UNC13C: variants seen among roughly 807,000 people sequenced by gnomAD.
UNC13C encodes unc-13 homolog C, also known as protein unc-13 homolog C.
Under a neutral mutation model 245.4 loss-of-function variants are expected in UNC13C, and 174 were observed. The ratio of observed to expected loss-of-function variants is 0.71; its 90% confidence interval spans 0.63 to 0.80. UNC13C has a LOEUF of 0.80. Among genes scored for constraint, UNC13C ranks in the 30% least tolerant of loss-of-function variants. UNC13C has a pLI of 0.00. For synonymous variants in UNC13C, 992 were observed against 895.1 expected (o/e 1.11, Z -1.93); for missense variants, 2,829 against 2,602.9 (o/e 1.09, Z -1.89).
the UNC13C span, among the ~76,000 whole-genome samples, chr15:53,922,222 A>G: frequency 6.6e-6 from 1 of 152,348 alleles, no homozygotes; most frequent in Middle Eastern, 3.4e-3. Context: ...TGGAAAGTCA[A>G]ATAAATTCTC....
chr15:53,968,261 A>AC, the UNC13C span: 3 of 152,206 alleles, frequency 2.0e-5, no homozygotes, highest in Non-Finnish European at 4.4e-5. Flanking sequence ...TCCCTAGGCA[A>AC]CCCCCGTGGG....
chr15:54,217,584 T>C (rs757303807), intron 4 of UNC13C, among the ~76,000 whole-genome samples: 2 of 151,898 alleles, frequency 1.3e-5, no homozygotes, highest in Non-Finnish European at 2.9e-5. Flanking sequence ...ACACATTCAA[T>C]CAACTTTAAT....
At chr15:54,196,743 G>GA (rs1404208270) in intron 4 of UNC13C, among the ~76,000 whole-genome samples, 1 of 152,120 alleles carries the variant, frequency 6.6e-6, no homozygotes, top group Non-Finnish European at 1.5e-5. Context: ...CATTTCAATA[G>GA]ATGAAAAGTC....
intron 24 of UNC13C, among the ~76,000 whole-genome samples, chr15:54,514,376 A>G (rs749678515): frequency 5.3e-5 from 8 of 152,210 alleles, no homozygotes; most frequent in African/African-American, 7.2e-5. Flanking sequence ...TTTCACTGGT[A>G]TTATAACCAA....
chr15:53,870,177 C>G, the UNC13C span, among the ~76,000 whole-genome samples: 3 of 152,152 alleles, frequency 2.0e-5, no homozygotes, highest in Admixed American at 2.0e-4. Context: ...AATCCTTCTC[C>G]TTTGATAAAA....
chr15:54,549,986 A>C (rs1432755428), intron 28 of UNC13C, among the ~76,000 whole-genome samples: 2 of 152,218 alleles, frequency 1.3e-5, no homozygotes, highest in African/African-American at 4.8e-5. Flanking sequence ...CTTCAAACCA[A>C]GAAACACAGT....
At chr15:53,953,188 G>C in the UNC13C span, among the ~76,000 whole-genome samples, 1 of 152,256 alleles carries the variant, frequency 6.6e-6, no homozygotes, top group South Asian at 2.1e-4. Context: ...AGAGTCACAT[G>C]GTTAAATGAT....
At chr15:54,130,275 G>A (rs1184839823) in intron 2 of UNC13C, among the ~76,000 whole-genome samples, 1 of 145,832 alleles carries the variant, frequency 6.9e-6, no homozygotes, top group Non-Finnish European at 1.5e-5. Flanking sequence ...TTCGTGGCCA[G>A]GTAGATAATT....
intron 2 of UNC13C, among the ~76,000 whole-genome samples, chr15:54,126,494 A>C (rs113777322): frequency 2.9e-4 from 44 of 152,312 alleles, no homozygotes; most frequent in African/African-American, 1.0e-3. Context: ...CACAAAGGAA[A>C]AACAAACAAA....
At chr15:54,544,109 G>A (rs1442160116) in intron 26 of UNC13C, among the ~76,000 whole-genome samples, 3 of 152,080 alleles carry the variant, frequency 2.0e-5, no homozygotes, top group African/African-American at 2.4e-5. Context: ...GATCAAATCG[G>A]ATTCACCCCA....
At chr15:53,975,892 G>A (rs574665473), upstream of UNC13C, among the ~76,000 whole-genome samples, 1 of 152,122 alleles carries the variant, frequency 6.6e-6, no homozygotes, top group African/African-American at 2.4e-5. Context: ...CCTATGGATG[G>A]GGTGAGTGTA....
At chr15:54,482,591 A>T (rs62022362) in intron 19 of UNC13C, among the ~76,000 whole-genome samples, 3 of 151,652 alleles carry the variant, frequency 2.0e-5, no homozygotes. Context: ...TCGCCTCAGA[A>T]GTTCTCTGTC....
intron 2 of UNC13C, among the ~76,000 whole-genome samples, chr15:54,128,382 A>T (rs974376625): frequency 6.6e-6 from 1 of 151,948 alleles, no homozygotes; most frequent in African/African-American, 2.4e-5. Flanking sequence ...AAAACTTTCT[A>T]TTTTTTTCAT....
At chr15:54,333,947 G>A in intron 16 of UNC13C, 91 bp downstream of exon 16, 2 of 898,676 alleles carry the variant, frequency 2.2e-6, no homozygotes, top group South Asian at 1.5e-5. Context: ...TCTTGATCAA[G>A]TACTGTGTTA....
At chr15:54,228,659 A>G (rs545179204) in intron 4 of UNC13C, among the ~76,000 whole-genome samples, 7 of 152,250 alleles carry the variant, frequency 4.6e-5, no homozygotes, top group Middle Eastern at 3.4e-3. Flanking sequence ...TCTAAGAGCC[A>G]TGGCCTGGAA....
chr15:54,180,646 T>G (rs2033766532), intron 4 of UNC13C, among the ~76,000 whole-genome samples: 1 of 152,024 alleles, frequency 6.6e-6, no homozygotes. Context: ...TTTCTCTGCA[T>G]CCTCACCAGC....
At chr15:54,035,401 A>G (rs963332408) in intron 2 of UNC13C, among the ~76,000 whole-genome samples, 6 of 152,076 alleles carry the variant, frequency 3.9e-5, no homozygotes, top group African/African-American at 1.4e-4. Context: ...CATGATTTGT[A>G]TAGCAAAAAT....
At chr15:54,520,715 T>A (rs905508952) in intron 24 of UNC13C, among the ~76,000 whole-genome samples, 1 of 152,140 alleles carries the variant, frequency 6.6e-6, no homozygotes, top group Non-Finnish European at 1.5e-5. Flanking sequence ...AACAACAGTA[T>A]GAATGAAGGC....
chr15:53,915,711 C>T, the UNC13C span, among the ~76,000 whole-genome samples: 4 of 152,156 alleles, frequency 2.6e-5, no homozygotes, highest in Non-Finnish European at 4.4e-5. Flanking sequence ...TCATATTTTG[C>T]TTAGCATATC....
Sources: allele counts gnomAD v4.1 joint callset (sites outside exome capture counted in the v4.1 genomes callset), GRCh38; gene constraint gnomAD v4.1.1; transcripts MANE v1.5; gene names NCBI Gene and HGNC (gene_info 2026-07-23, HGNC 2026-07-21).